The following DLG2 variants were observed in gnomAD, a reference collection of about 807,000 sequenced individuals.
DLG2 encodes the protein discs large MAGUK scaffold protein 2.
In DLG2, 45 loss-of-function variants were observed where a neutral mutation model predicts 132.5. That is an observed-to-expected ratio of 0.34 (90% CI 0.27 to 0.44). The LOEUF (loss-of-function observed/expected upper bound fraction) is 0.44, where lower values mean the gene tolerates loss of function less well. DLG2 is among the 20% of genes least tolerant of loss of function. The pLI, the probability that DLG2 is intolerant of heterozygous loss-of-function variation, is 1.00. For missense variants in DLG2, 1,045 were observed against 1,196.9 expected, an observed-to-expected ratio of 0.87 and a Z score of 1.87; for synonymous variants, 424 against 419.6, an observed-to-expected ratio of 1.01 and a Z score of -0.13.
chr11:85,489,637 A>G (rs536009063), intron 3 of DLG2, among the ~76,000 whole-genome samples: 1 of 152,324 alleles, frequency 6.6e-6, no homozygotes, highest in East Asian at 1.9e-4. Flanking sequence ...TCTAAGATGA[A>G]CCATATGTTA....
At position 83,514,932 on chromosome 11, in the gene DLG2, T is replaced by C. The variant is rs1024882764; in HGVS notation, c.2193+17776A>G. On this transcript the variant is annotated intron_variant, in intron 21 of 27. Coordinates refer to ENST00000376104, the MANE Select transcript of DLG2 (RefSeq NM_001142699.3). ...TGTGCTGCTGGATTCGGTTTGCTAG[T>C]ATTTTATTGAGGATTTTTGCATCGA... Among the ~76,000 whole-genome samples, 8 of 152,216 alleles carry C rather than the reference T, an allele frequency of 5.3e-5. No individual in the cohort carries two copies. The South Asian group carries it at 1.4e-3, about 28-fold the overall frequency.
intron 8 of DLG2, among the ~76,000 whole-genome samples, chr11:84,244,643 T>C (rs1050742021): frequency 2.6e-5 from 4 of 152,160 alleles, no homozygotes; most frequent in Non-Finnish European, 4.4e-5. Flanking sequence ...TGAGACAAAA[T>C]AAAGCTGTTT....
At chr11:85,395,095 G>A (rs2087181075) in intron 3 of DLG2, among the ~76,000 whole-genome samples, 1 of 152,130 alleles carries the variant, frequency 6.6e-6, no homozygotes, top group Non-Finnish European at 1.5e-5. Flanking sequence ...GGATTTGTCT[G>A]CCTCTTTCTT....
chr11:85,541,981 C>T (rs1185185120), intron 3 of DLG2, among the ~76,000 whole-genome samples: 1 of 152,070 alleles, frequency 6.6e-6, no homozygotes, highest in Non-Finnish European at 1.5e-5. Flanking sequence ...GACTTCTCAG[C>T]TTGACACCTG....
At chr11:84,077,605 A>G (rs1419193944) in intron 10 of DLG2, among the ~76,000 whole-genome samples, 1 of 152,242 alleles carries the variant, frequency 6.6e-6, no homozygotes, top group Non-Finnish European at 1.5e-5. Context: ...ATTGTTATAA[A>G]TTTAAATAGT....
chr11:83,504,841 T>C (rs1349974218), intron 21 of DLG2, among the ~76,000 whole-genome samples: 1 of 152,190 alleles, frequency 6.6e-6, no homozygotes, highest in Non-Finnish European at 1.5e-5. Context: ...CTGGAGAACT[T>C]TGCCCCAGCC....
intron 11 of DLG2, among the ~76,000 whole-genome samples, chr11:84,046,375 A>C (rs917931702): frequency 6.6e-6 from 1 of 151,552 alleles, no homozygotes; most frequent in African/African-American, 2.4e-5. Flanking sequence ...ATTATAATTA[A>C]AAAAACTGCT....
chr11:84,534,704 G>A lies in DLG2; in HGVS notation c.385C>T (p.Pro129Ser). The change falls in exon 7 of 28, where the codon CCA (proline) becomes TCA (serine). Residue 129 changes from proline to serine, a missense_variant. This residue lies in a region of DLG2 where 277 missense variants were observed against 238.2 expected (regional missense o/e 1.16). Transcript: ENST00000376104. Reference sequence around the variant, plus strand: ...AGTCGAGGTAAGGAATGATCATGTGGAGCGTCCTCATCTTGATATCGATAC... The same window carrying A: ...AGTCGAGGTAAGGAATGATCATGTGAAGCGTCCTCATCTTGATATCGATAC... ...TKYRYQDEDAPHDHSLPRLTH... is the reference protein window; with the variant it reads ...TKYRYQDEDASHDHSLPRLTH... 6.2e-7 allele frequency: 1 copy of A among 1,613,982 alleles called. No individual in the cohort carries two copies. The highest frequency in any genetic ancestry group is 8.5e-7 in the Non-Finnish European group (1 of 1,179,928).
intron 18 of DLG2, among the ~76,000 whole-genome samples, chr11:83,635,138 G>T: frequency 6.6e-6 from 1 of 152,150 alleles, no homozygotes; most frequent in East Asian, 1.9e-4. Context: ...CTATTTGGGA[G>T]ACCGAGGCAG....
chr11:84,055,024 C>A (rs1435699464), intron 11 of DLG2, among the ~76,000 whole-genome samples: 5 of 151,858 alleles, frequency 3.3e-5, no homozygotes, highest in Non-Finnish European at 7.4e-5. Context: ...AATATTTTCC[C>A]AAACCCAGAT....
intron 23 of DLG2, among the ~76,000 whole-genome samples, chr11:83,472,338 A>G (rs1478609269): frequency 6.6e-6 from 1 of 152,148 alleles, no homozygotes; most frequent in Non-Finnish European, 1.5e-5. Flanking sequence ...AGCAGCTTAC[A>G]GATAGCCTAC....
chr11:84,356,428 C>G (rs1251489578), intron 7 of DLG2, among the ~76,000 whole-genome samples: 4 of 151,994 alleles, frequency 2.6e-5, no homozygotes, highest in African/African-American at 9.7e-5. Flanking sequence ...AGCTAAGAGG[C>G]AGCAAAACAT....
chr11:85,526,154 C>G (rs1417171886), intron 3 of DLG2, among the ~76,000 whole-genome samples: 1 of 152,130 alleles, frequency 6.6e-6, no homozygotes, highest in Non-Finnish European at 1.5e-5. Flanking sequence ...CTACTCTAGT[C>G]TTGTTTAACA....
intron 13 of DLG2, among the ~76,000 whole-genome samples, chr11:83,963,445 C>T (rs1394459356): frequency 2.0e-5 from 3 of 151,884 alleles, no homozygotes; most frequent in Non-Finnish European, 4.4e-5. Context: ...AGACTTTCTC[C>T]CAAAATATAC....
At chr11:83,940,363 T>C (rs1337948155) in intron 14 of DLG2, among the ~76,000 whole-genome samples, 1 of 152,216 alleles carries the variant, frequency 6.6e-6, no homozygotes, top group Non-Finnish European at 1.5e-5. Context: ...GTATTTTAAA[T>C]AATAATAACA....
rs192168506 is a variant in DLG2 at position 85,126,359 on chromosome 11, A to G, written c.283-14624T>C. Among the ~76,000 whole-genome samples, 499 of 152,292 alleles carry G rather than the reference A, an allele frequency of 3.3e-3. 1 individual carries two copies. Among genetic ancestry groups the G allele is most frequent in the Non-Finnish European group, 5.3e-3 (363 of 68,016 alleles). ...ACTCATCTTTCAATAGGTTGCTGAG[A>G]GTGATGTTGTTGGGTTTGTGTATTA... On this transcript the variant is annotated intron_variant, in intron 5 of 27. Coordinates refer to ENST00000376104, the MANE Select transcript of DLG2 (RefSeq NM_001142699.3).
intron 6 of DLG2, among the ~76,000 whole-genome samples, chr11:84,535,017 AACATTT>A: frequency 6.6e-6 from 1 of 152,204 alleles, no homozygotes; most frequent in Non-Finnish European, 1.5e-5. Flanking sequence ...AATGAGACAG[AACATTT>A]ACTTTATTCA....
At chr11:84,780,738 A>T (rs2071603125) in intron 6 of DLG2, among the ~76,000 whole-genome samples, 2 of 152,128 alleles carry the variant, frequency 1.3e-5, no homozygotes, top group Admixed American at 1.3e-4. Flanking sequence ...AAATTCAGAT[A>T]TTTCCCTATA....
At position 85,236,400 on chromosome 11, in the gene DLG2, T is replaced by C. The variant is rs373256092; in HGVS notation, c.186+48820A>G. On this transcript the variant is annotated intron_variant, in intron 4 of 27. Coordinates refer to ENST00000376104, the MANE Select transcript of DLG2 (RefSeq NM_001142699.3). ...GATTTCCTCTGAGACCCCTCTCTTT[T>C]TGTCTTGCAGATGGCTGTCCTCTTG... Among the ~76,000 whole-genome samples the C allele has an allele frequency of 3.6e-4, 54 of 152,074 alleles. No individual in the cohort carries two copies. The East Asian group carries it at 9.7e-3, about 27-fold the overall frequency.
Sources: gnomAD v4.1 joint callset for allele counts (sites outside exome capture counted in the v4.1 genomes callset) on GRCh38, gnomAD v4.1.1 for gene constraint, gnomAD v4.1.1 regional missense constraint, MANE v1.5 for transcripts, NCBI Gene and HGNC (gene_info 2026-07-23, HGNC 2026-07-21) for gene names.